Variants in UNC13A observed in about 807,000 individuals in gnomAD.
UNC13A encodes unc-13 homolog A, also known as protein unc-13 homolog A.
A neutral mutation model predicts 219.7 loss-of-function variants in UNC13A; 61 were observed. The ratio of observed to expected loss-of-function variants is 0.28; its 90% CI spans 0.23 to 0.34. The LOEUF is 0.34. UNC13A is among the 10% of genes least tolerant of loss of function. UNC13A has a pLI of 1.00. For missense variants in UNC13A, 1,476 were observed against 2,270.3 expected (o/e 0.65, Z 7.11); for synonymous variants, 920 against 884.6 (o/e 1.04, Z -0.71).
At position 17,641,492 on chromosome 19, in the gene UNC13A, C is replaced by T; in HGVS notation, c.2537G>A (p.Gly846Asp). The change falls in exon 21 of 44, where the codon GGT becomes GAT. Residue 846 changes from glycine to aspartate, a missense_variant. Gly to Asp is a moderately conservative substitution (Grantham distance 94). This residue lies in a region of UNC13A where 140 missense variants were observed against 270.9 expected (regional missense o/e 0.52). Transcript: ENST00000519716. ...GTAGTAAACCTTCCAGGCATCGTCA[C>T]CCTTGGCATCTGGGATCTTCACGAC... is the stretch of plus-strand genomic sequence containing the variant. ...NGVVKIPDAK[G>D]DDAWKVYYDE... 6.2e-7 allele frequency: 1 copy of T among 1,614,140 alleles called. No homozygotes were observed. The highest frequency in any genetic ancestry group is 8.5e-7 in the Non-Finnish European group (1 of 1,180,014).
chr19:17,642,765 G>A (rs2076984069), intron 20 of UNC13A, 80 bp downstream of exon 20: 1 of 1,243,030 alleles, frequency 8.0e-7, no homozygotes, highest in Non-Finnish European at 1.1e-6. Context: ...TGTGGATGGT[G>A]TGGCCAGAAA....
At chr19:17,636,220 A>C in intron 25 of UNC13A, 63 bp from the exon 26 acceptor site, 3 of 1,500,970 alleles carry the variant, frequency 2.0e-6, no homozygotes, top group Non-Finnish European at 2.7e-6. Context: ...CGGTCAGTTT[A>C]TTACTGAAGA....
intron 37 of UNC13A, among the ~76,000 whole-genome samples, chr19:17,621,592 G>C (rs926185009): frequency 6.6e-6 from 1 of 152,172 alleles, no homozygotes; most frequent in Non-Finnish European, 1.5e-5. Context: ...ATTGCTGTGG[G>C]AGGATGGGAG....
chr19:17,653,155 C>T (rs2079381499), intron 11 of UNC13A, among the ~76,000 whole-genome samples: 2 of 151,950 alleles, frequency 1.3e-5, no homozygotes, highest in South Asian at 4.1e-4. Flanking sequence ...GGAACACAGG[C>T]AGCACTCTTC....
intron 1 of UNC13A, among the ~76,000 whole-genome samples, chr19:17,684,273 A>ATGG (rs979570705): frequency 6.6e-6 from 1 of 151,974 alleles, no homozygotes; most frequent in African/African-American, 2.4e-5. Context: ...ACTCAAGTAA[A>ATGG]TGGTGGTGGT....
intron 4 of UNC13A, 123 bp downstream of exon 4, chr19:17,672,255 C>A: frequency 1.3e-6 from 1 of 787,366 alleles, no homozygotes. Context: ...CGTGGCAATC[C>A]CAAGTGTCTA....
At chr19:17,621,272 C>G (rs896134828) in intron 37 of UNC13A, among the ~76,000 whole-genome samples, 1 of 152,118 alleles carries the variant, frequency 6.6e-6, no homozygotes, top group African/African-American at 2.4e-5. Flanking sequence ...GCCTGGGACA[C>G]TGAATGTGCC....
rs1050861146 is a variant in UNC13A at position 17,675,871 on chromosome 19, T to C, written c.52+141A>G. 6.1e-6 allele frequency: 7 copies of C among 1,155,402 alleles called. No individual in the cohort carries two copies. The African/African-American group carries it at 9.2e-5, about 15-fold the overall frequency. The allele number at this position is 1,155,402 out of a possible 1,614,324, so 71.6% of individuals were successfully genotyped here. ...GGCCAATGGCTGCCCCTCCCCCTAT[T>C]TAATCTTCTGACCCCTCTCCTGATG... On this transcript the variant is annotated intron_variant, in intron 2 of 43. Coordinates refer to ENST00000519716, the MANE Select transcript of UNC13A (RefSeq NM_001080421.3).
rs1419306889 is a variant in UNC13A, at chr19:17,645,754, C to T, written c.2276G>A (p.Arg759Lys). The change falls in exon 19 of 44, where the codon AGG becomes AAG. Residue 759 changes from arginine (R) to lysine (K), a missense_variant. Physicochemically the swap from Arg to Lys is conservative, Grantham distance 26. Transcript: ENST00000519716. ...CTGCCCCAGGAAATCGTCAGATTCC[C>T]TCTTGAACCTCTGTTTCACGCGGGA... is the stretch of plus-strand genomic sequence containing the variant. ...IKSRVKQRFK[R>K]ESDDFLGQTI... 1 of 1,614,192 alleles carries T rather than the reference C, an allele frequency of 6.2e-7. No homozygotes were observed. Among genetic ancestry groups the T allele is most frequent in the Admixed American group, 1.7e-5 (1 of 60,020 alleles).
intron 4 of UNC13A, among the ~76,000 whole-genome samples, chr19:17,672,106 AC>A (rs1327240734): frequency 1.3e-5 from 2 of 151,652 alleles, no homozygotes; most frequent in South Asian, 2.1e-4. Context: ...CTCCCCCACC[AC>A]CAGCACCTTT....
At chr19:17,652,588 G>C in intron 12 of UNC13A, 43 bp downstream of exon 12, 1 of 1,613,026 alleles carries the variant, frequency 6.2e-7, no homozygotes. Context: ...CTTGGACTTG[G>C]GGTTCAAATC....
chr19:17,663,898 T>G (rs1464569921), intron 7 of UNC13A, among the ~76,000 whole-genome samples: 4 of 152,048 alleles, frequency 2.6e-5, no homozygotes, highest in African/African-American at 9.7e-5. Context: ...CAAGCTCAAG[T>G]GATCCTCCCA....
chr19:17,635,942 T>G (rs751736135), intron 26 of UNC13A, 82 bp downstream of exon 26: 3 of 1,486,736 alleles, frequency 2.0e-6, no homozygotes, highest in Non-Finnish European at 2.7e-6. Flanking sequence ...TTAGACAAAA[T>G]CATCTTGACA....
chr19:17,608,375 TG>T (rs546562588), intron 43 of UNC13A, among the ~76,000 whole-genome samples: 1,985 of 95,632 alleles, frequency 0.021, 50 homozygotes, highest in African/African-American at 0.079. Context: ...ATATTATATA[TG>T]TATATAAATA....
intron 1 of UNC13A, among the ~76,000 whole-genome samples, 171 bp downstream of exon 1, chr19:17,688,007 C>G (rs1008037111): frequency 6.6e-6 from 1 of 151,774 alleles, no homozygotes; most frequent in African/African-American, 2.4e-5. Context: ...CGCGTCTACA[C>G]GGATCACCCC....
chr19:17,630,089 C>G, intron 30 of UNC13A, 56 bp downstream of exon 30: 1 of 1,529,248 alleles, frequency 6.5e-7, no homozygotes, highest in South Asian at 1.2e-5. Context: ...ACTCAGACTT[C>G]AATTCCCTAA....
intron 8 of UNC13A, 56 bp from the exon 9 acceptor site, chr19:17,658,325 G>T: frequency 6.6e-7 from 1 of 1,523,612 alleles, no homozygotes; most frequent in Non-Finnish European, 9.0e-7. Context: ...GCACATGATG[G>T]GAGCCAATAC....
chr19:17,630,644 G>A lies in UNC13A; in HGVS notation c.3525+10C>T. 1 of 1,613,744 alleles carries A rather than the reference G, an allele frequency of 6.2e-7. No individual in the cohort carries two copies. Among genetic ancestry groups the A allele is most frequent in the Non-Finnish European group, 8.5e-7 (1 of 1,179,686 alleles). ...AGATTAGGAACTTGGTTGTGGGTGGGCCTTCTTACCCCATCCTTCTTGTCT... is the reference window on the plus strand; with the variant it reads ...AGATTAGGAACTTGGTTGTGGGTGGACCTTCTTACCCCATCCTTCTTGTCT... On this transcript the variant is annotated intron_variant, in intron 29 of 43. Transcript: ENST00000519716.
intron 11 of UNC13A, among the ~76,000 whole-genome samples, chr19:17,654,763 T>TTCTAACCCTGACC (rs755165321): frequency 2.6e-4 from 39 of 152,288 alleles, no homozygotes; most frequent in Non-Finnish European, 4.9e-4. Flanking sequence ...CTAACACCAA[T>TTCTAACCCTGACC]TCTAACCCTG....
Sources: gnomAD v4.1 joint callset for allele counts (sites outside exome capture counted in the v4.1 genomes callset) on GRCh38, gnomAD v4.1.1 for gene constraint, gnomAD v4.1.1 regional missense constraint, MANE v1.5 for transcripts, NCBI Gene and HGNC (gene_info 2026-07-23, HGNC 2026-07-21) for gene names.